Variants in MACROD2 observed in about 807,000 individuals in gnomAD.
MACROD2 encodes the protein ADP-ribose glycohydrolase MACROD2.
MACROD2 carries 36 observed loss-of-function variants against 70.4 expected under a neutral mutation model. That is an observed-to-expected ratio of 0.51 (90% CI 0.39 to 0.68). The LOEUF is 0.68. Among genes scored for constraint, MACROD2 ranks in the 30% least tolerant of loss-of-function variants. MACROD2 has a pLI of 0.00. For missense variants in MACROD2, 496 were observed against 538.4 expected (o/e 0.92, Z 0.78); for synonymous variants, 172 against 178.8 (o/e 0.96, Z 0.30).
In MACROD2 at chr20:15,520,129, T is replaced by C. The variant is rs552305207; in HGVS notation, c.645+20282T>C. Among the ~76,000 whole-genome samples the C allele has an allele frequency of 1.3e-3, 203 of 152,184 alleles. 2 individuals are homozygous for C. The highest frequency in any genetic ancestry group is 4.8e-3 in the African/African-American group (201 of 41,514). ...ATAGAAAAATGATTAATGATGAAAATAGGTAAATGTTTCTTTAAATGGCTT... is the reference window on the plus strand; with the variant it reads ...ATAGAAAAATGATTAATGATGAAAACAGGTAAATGTTTCTTTAAATGGCTT... On this transcript the variant is annotated intron_variant, in intron 8 of 17. Coordinates refer to ENST00000684519, the MANE Select transcript of MACROD2 (RefSeq NM_001351661.2).
chr20:15,893,869 G>A (rs901479727), intron 10 of MACROD2: 1 of 456,706 alleles, frequency 2.2e-6, no homozygotes, highest in Admixed American at 2.3e-5. Flanking sequence ...AGAGAAATGG[G>A]CAATGGAGCA....
intron 5 of MACROD2, among the ~76,000 whole-genome samples, chr20:14,866,912 A>G (rs1167224572): frequency 1.3e-5 from 2 of 152,150 alleles, no homozygotes; most frequent in Non-Finnish European, 2.9e-5. Context: ...AAAAGTGGTT[A>G]AATCAAAGCT....
intron 5 of MACROD2, among the ~76,000 whole-genome samples, chr20:15,208,441 C>G (rs1468373611): frequency 6.6e-6 from 1 of 152,128 alleles, no homozygotes; most frequent in African/African-American, 2.4e-5. Flanking sequence ...TATTCTAATT[C>G]AAGTTGAGAT....
chr20:14,471,412 G>T (rs2084529524), intron 3 of MACROD2, among the ~76,000 whole-genome samples: 1 of 152,186 alleles, frequency 6.6e-6, no homozygotes, highest in Non-Finnish European at 1.5e-5. Context: ...CATGCTGAAT[G>T]ACAACAGCAT....
intron 2 of MACROD2, among the ~76,000 whole-genome samples, chr20:14,046,325 AAC>A (rs2053474192): frequency 6.6e-6 from 1 of 152,208 alleles, no homozygotes; most frequent in Non-Finnish European, 1.5e-5. Flanking sequence ...TAGGGAGAGT[AAC>A]TGGCAGAATC....
intron 10 of MACROD2, among the ~76,000 whole-genome samples, chr20:15,897,165 T>C (rs925264773): frequency 6.6e-6 from 1 of 152,192 alleles, no homozygotes; most frequent in African/African-American, 2.4e-5. Flanking sequence ...AATGGTATTA[T>C]TTTGCATTAT....
At chr20:15,597,736 T>C (rs1418632143) in intron 8 of MACROD2, among the ~76,000 whole-genome samples, 2 of 152,190 alleles carry the variant, frequency 1.3e-5, no homozygotes, top group Non-Finnish European at 2.9e-5. Flanking sequence ...CTCTGCTTCC[T>C]CCCTTCTTTT....
At chr20:14,784,675 G>GC (rs5840633) in intron 5 of MACROD2, among the ~76,000 whole-genome samples, 3 of 141,750 alleles carry the variant, frequency 2.1e-5, no homozygotes, top group African/African-American at 5.1e-5. Flanking sequence ...AAGTGGGGGG[G>GC]GGGGGGCACC....
chr20:14,605,832 T>TA (rs1203339953), intron 4 of MACROD2, among the ~76,000 whole-genome samples: 7 of 151,722 alleles, frequency 4.6e-5, no homozygotes, highest in East Asian at 1.9e-4. Flanking sequence ...TGAGATACAT[T>TA]AAAAAAAATG....
intron 5 of MACROD2, among the ~76,000 whole-genome samples, chr20:14,842,213 A>G (rs559028905): frequency 4.6e-5 from 7 of 152,184 alleles, no homozygotes; most frequent in Non-Finnish European, 8.8e-5. Context: ...CACTTCTGCA[A>G]TAATAAACCC....
At chr20:14,515,285 A>C (rs1289180238) in intron 4 of MACROD2, among the ~76,000 whole-genome samples, 6 of 152,114 alleles carry the variant, frequency 3.9e-5, no homozygotes, top group African/African-American at 1.4e-4. Context: ...GGGAATATAT[A>C]TGGAGAGATC....
chr20:14,168,408 G>A (rs1291186115), intron 3 of MACROD2, among the ~76,000 whole-genome samples: 14 of 151,992 alleles, frequency 9.2e-5, no homozygotes, highest in Admixed American at 9.2e-4. Flanking sequence ...TTTTAAGTTT[G>A]CTTAAACACT....
intron 8 of MACROD2, among the ~76,000 whole-genome samples, chr20:15,713,499 G>T (rs542033991): frequency 7.4e-4 from 113 of 152,238 alleles, no homozygotes; most frequent in Admixed American, 2.0e-3. Context: ...ATGGCAGAAT[G>T]CAAAAGGGAA....
In MACROD2 at chr20:14,454,995, G is replaced by A. The variant is rs186476393; in HGVS notation, c.272-38484G>A. ...TCTCGATCTCCTGACCTCGTGATCC[G>A]CCTGCCTTGGCCTCCCAATCTGTCT... is the stretch of plus-strand genomic sequence containing the variant. On this transcript the variant is annotated intron_variant, in intron 3 of 17. Transcript: ENST00000684519. Among the ~76,000 whole-genome samples, 48 of 151,762 alleles carry A rather than the reference G, an allele frequency of 3.2e-4. No homozygotes were observed. The East Asian group carries it at 8.3e-3, about 26-fold the overall frequency.
At chr20:15,997,891 T>C (rs2066654372) in intron 15 of MACROD2, among the ~76,000 whole-genome samples, 2 of 152,206 alleles carry the variant, frequency 1.3e-5, no homozygotes, top group Admixed American at 1.3e-4. Flanking sequence ...TGAGTGTTTT[T>C]TTTCCTAATC....
chr20:14,892,474 A>C (rs1332588625), intron 5 of MACROD2, among the ~76,000 whole-genome samples: 6 of 152,100 alleles, frequency 3.9e-5, no homozygotes, highest in Non-Finnish European at 7.4e-5. Flanking sequence ...AAAAACAAAA[A>C]ATCTAATGTA....
In MACROD2 at chr20:14,603,262, C is replaced by G. The variant is rs977846557; in HGVS notation, c.302-81581C>G. 2.0e-5 allele frequency among the ~76,000 whole-genome samples: 3 copies of G among 152,106 alleles called. 1 individual carries two copies. Among genetic ancestry groups the G allele is most frequent in the Non-Finnish European group, 2.9e-5 (2 of 68,024 alleles). ...AGTGAAGCACTAGAGTGGGGAGGAACTGTGTGCAGTTTGGACAATTGTGGA... is the reference window on the plus strand; with the variant it reads ...AGTGAAGCACTAGAGTGGGGAGGAAGTGTGTGCAGTTTGGACAATTGTGGA... On this transcript the variant is annotated intron_variant, in intron 4 of 17. Transcript: ENST00000684519.
intron 2 of MACROD2, among the ~76,000 whole-genome samples, chr20:14,083,986 C>T (rs1482287684): frequency 4.6e-5 from 6 of 130,766 alleles, no homozygotes; most frequent in Non-Finnish European, 7.8e-5. Context: ...GGTGTGAATC[C>T]GGGAGGCGGA....
At chr20:15,163,933 A>T (rs2076365450) in intron 5 of MACROD2, among the ~76,000 whole-genome samples, 1 of 152,158 alleles carries the variant, frequency 6.6e-6, no homozygotes, top group South Asian at 2.1e-4. Context: ...ATGATAGCAC[A>T]GTGAATGAAA....
Sources: allele counts gnomAD v4.1 joint callset (sites outside exome capture counted in the v4.1 genomes callset), GRCh38; gene constraint gnomAD v4.1.1; transcripts MANE v1.5; gene names NCBI Gene and HGNC (gene_info 2026-07-23, HGNC 2026-07-21).